Variants in ZYG11B observed in about 807,000 individuals in gnomAD.
ZYG11B encodes the protein zyg-11 family member B, cell cycle regulator, also known as protein zyg-11 homolog B.
Under a neutral mutation model 82.4 loss-of-function variants are expected in ZYG11B, and 36 were observed. That is an observed-to-expected ratio of 0.44 (90% CI 0.33 to 0.58). The LOEUF is 0.58. Ranked by LOEUF, ZYG11B falls within the 20% of genes least tolerant of loss-of-function variation. The pLI is 0.02. For missense variants in ZYG11B, 552 were observed against 895.6 expected, an observed-to-expected ratio of 0.62 and a Z score of 4.90; for synonymous variants, 303 against 312.8, an observed-to-expected ratio of 0.97 and a Z score of 0.33.
At position 52,801,963 on chromosome 1, in the gene ZYG11B, T is replaced by C; in HGVS notation, c.1630T>C (p.Phe544Leu). The C allele has an allele frequency of 6.2e-7, 1 of 1,606,662 alleles. No homozygotes were observed. Among genetic ancestry groups the C allele is most frequent in the Non-Finnish European group, 8.5e-7 (1 of 1,178,164 alleles). Residue 544 changes from phenylalanine to leucine, a missense_variant, in exon 9 of 14, where the codon TTC becomes CTC. By Grantham distance (22) the Phe-to-Leu change is conservative. Transcript: ENST00000294353. The part of the protein sequence containing the change: ...HFIENQGLEL[F>L]MRVLESFPTE... ...TATTGAAAACCAAGGGTTAGAACTC[T>C]TCATGAGGGTTCTAGAGGTTAGAAT...
intron 8 of ZYG11B, among the ~76,000 whole-genome samples, chr1:52,798,813 T>A (rs966083475): frequency 1.3e-4 from 20 of 152,102 alleles, no homozygotes; most frequent in Non-Finnish European, 2.5e-4. Context: ...GGAGTAGATA[T>A]AAACAATGTC....
intron 6 of ZYG11B, among the ~76,000 whole-genome samples, 167 bp downstream of exon 6, chr1:52,790,234 T>A (rs1644945053): frequency 6.6e-6 from 1 of 152,202 alleles, no homozygotes. Context: ...TTTAGTGGCT[T>A]TGACATTCAT....
chr1:52,795,402 C>T (rs1189097811), intron 6 of ZYG11B, among the ~76,000 whole-genome samples: 1 of 152,120 alleles, frequency 6.6e-6, no homozygotes, highest in African/African-American at 2.4e-5. Flanking sequence ...ATTACCCGGT[C>T]TCAGGTAGTT....
intron 1 of ZYG11B, among the ~76,000 whole-genome samples, chr1:52,755,823 A>C (rs1316150321): frequency 6.6e-6 from 1 of 152,036 alleles, no homozygotes; most frequent in Non-Finnish European, 1.5e-5. Context: ...TTTTTGAGAC[A>C]GAGCCTCACT....
intron 3 of ZYG11B, among the ~76,000 whole-genome samples, chr1:52,776,533 CAAA>C (rs139862670): frequency 1.1e-5 from 1 of 92,120 alleles, no homozygotes; most frequent in Non-Finnish European, 2.4e-5. Context: ...GACTGTGTCT[CAAA>C]AAAAAAAAAA....
chr1:52,776,234 A>ATATATATATATATATATATATATATATT, intron 3 of ZYG11B, among the ~76,000 whole-genome samples: 1 of 108,142 alleles, frequency 9.2e-6, no homozygotes, highest in Non-Finnish European at 2.1e-5. Flanking sequence ...AAAAAAATAT[A>ATATATATATATATATATATATATATATT]TATATATATA....
intron 2 of ZYG11B, among the ~76,000 whole-genome samples, chr1:52,758,742 G>A (rs1408446104): frequency 1.3e-5 from 2 of 152,082 alleles, no homozygotes; most frequent in African/African-American, 4.8e-5. Context: ...TACATTGCTT[G>A]TTTTTCACAA....
chr1:52,751,451 GA>G (rs1445809535), intron 1 of ZYG11B, among the ~76,000 whole-genome samples: 1 of 147,572 alleles, frequency 6.8e-6, no homozygotes, highest in Non-Finnish European at 1.5e-5. Flanking sequence ...CCAACATGGT[GA>G]AACCCCGTCT....
chr1:52,803,125 TATATATATACACAC>T lies in ZYG11B; in HGVS notation c.1695+996_1695+1009del, dbSNP rs1558140142. Among the ~76,000 whole-genome samples the T allele has an allele frequency of 3.2e-3, 288 of 88,868 alleles. 10 individuals carry two copies. The highest frequency in any genetic ancestry group is 6.8e-3 in the African/African-American group (85 of 12,452). 58.3% of individuals were successfully genotyped at this position (88,868 alleles called of 152,430 possible). ...ATATATATATATATATATACACACA[TATATATATACACAC>T]ATATATATATATATACACATATATA... On this transcript the variant is annotated intron_variant, in intron 10 of 13. Transcript: ENST00000294353.
chr1:52,825,332 G>T lies in ZYG11B; in HGVS notation c.*3703G>T, dbSNP rs1038788363. 1 of 152,038 alleles carries T rather than the reference G, an allele frequency of 6.6e-6. No homozygotes were observed. The highest frequency in any genetic ancestry group is 1.5e-5 in the Non-Finnish European group (1 of 68,018). 9.4% of individuals were successfully genotyped at this position (152,038 alleles called of 1,614,324 possible). ...TCAAGCCGATGACTCCATGGCTACTGATATTAGTTAGTTTAGGATTTTTAA... is the reference window on the plus strand; with the variant it reads ...TCAAGCCGATGACTCCATGGCTACTTATATTAGTTAGTTTAGGATTTTTAA... On this transcript the variant is annotated 3_prime_UTR_variant, in exon 14 of 14. Transcript: ENST00000294353.
chr1:52,809,532 G>C (rs1048589887), intron 10 of ZYG11B, among the ~76,000 whole-genome samples: 1 of 152,138 alleles, frequency 6.6e-6, no homozygotes, highest in Non-Finnish European at 1.5e-5. Context: ...ATGGGGTATA[G>C]TTCCAGAAAT....
chr1:52,726,899 C>A (rs760412381), intron 1 of ZYG11B, among the ~76,000 whole-genome samples: 1 of 152,066 alleles, frequency 6.6e-6, no homozygotes, highest in Admixed American at 6.6e-5. Context: ...CCCTGAATCT[C>A]CCTTCTCCCC....
chr1:52,801,580 A>G (rs927005401), intron 8 of ZYG11B, among the ~76,000 whole-genome samples: 2 of 152,124 alleles, frequency 1.3e-5, no homozygotes, highest in Non-Finnish European at 2.9e-5. Flanking sequence ...CATTTTGCCT[A>G]TGTTATTTAT....
chr1:52,815,574 C>T (rs72895437), intron 12 of ZYG11B, among the ~76,000 whole-genome samples: 5,636 of 151,896 alleles, frequency 0.037, 322 homozygotes, highest in African/African-American at 0.13. Flanking sequence ...GAGTTGAGAT[C>T]GCCTTACTGC....
rs190360821 is a variant in ZYG11B, at chr1:52,807,968, G to A, written c.1696-5568G>A. On this transcript the variant is annotated intron_variant, in intron 10 of 13. Coordinates refer to ENST00000294353, the MANE Select transcript of ZYG11B (RefSeq NM_024646.3). ...GACATTGCTTTAAAGATACTGATTA[G>A]CTTTTTTCTGACTTGCTTCTTTCTA... 1.1e-3 allele frequency among the ~76,000 whole-genome samples: 165 copies of A among 152,248 alleles called. 1 individual carries two copies. The highest frequency in any genetic ancestry group is 3.8e-3 in the African/African-American group (156 of 41,536).
rs566163976 is a variant in ZYG11B at position 52,751,965 on chromosome 1, G to T, written c.31-4493G>T. Among the ~76,000 whole-genome samples, 209 of 146,088 alleles carry T rather than the reference G, an allele frequency of 1.4e-3. No homozygotes were observed. In the South Asian group the frequency reaches 0.015, roughly 10 times the overall value. ...GAACACTTCTGTGACCAGATGTGTG[G>T]TTTTTTTTTTTCCCTATACGGAGCA... On this transcript the variant is annotated intron_variant, in intron 1 of 13. Coordinates refer to ENST00000294353, the MANE Select transcript of ZYG11B (RefSeq NM_024646.3).
chr1:52,807,963 G>A (rs187170884), intron 10 of ZYG11B, among the ~76,000 whole-genome samples: 31 of 152,320 alleles, frequency 2.0e-4, no homozygotes, highest in Admixed American at 4.6e-4. Context: ...TAAAGATACT[G>A]ATTAGCTTTT....
intron 10 of ZYG11B, among the ~76,000 whole-genome samples, chr1:52,811,257 G>A (rs1024356432): frequency 6.6e-6 from 1 of 151,716 alleles, no homozygotes; most frequent in Admixed American, 6.6e-5. Context: ...TGAATCTTTG[G>A]GTTTATAATT....
At chr1:52,816,651 C>G in intron 13 of ZYG11B, 22 bp downstream of exon 13, 1 of 1,536,538 alleles carries the variant, frequency 6.5e-7, no homozygotes, top group East Asian at 2.3e-5. Flanking sequence ...AAAAAAAGAA[C>G]TGTGTTTTTT....
Sources: allele counts gnomAD v4.1 joint callset (sites outside exome capture counted in the v4.1 genomes callset), GRCh38; gene constraint gnomAD v4.1.1; transcripts MANE v1.5; gene names NCBI Gene and HGNC (gene_info 2026-07-23, HGNC 2026-07-21).